NCOR2: variants seen among roughly 807,000 people sequenced by gnomAD.
The protein encoded by NCOR2 is CTG repeat protein 26.
NCOR2 carries 81 observed loss-of-function variants against 262.9 expected under a neutral mutation model. The ratio of observed to expected loss-of-function variants is 0.31; its 90% CI spans 0.26 to 0.37. The LOEUF is 0.37. Among genes scored for constraint, NCOR2 ranks in the 10% least tolerant of loss-of-function variants. The pLI, the probability that NCOR2 is intolerant of heterozygous loss-of-function variation, is 1.00. For synonymous variants in NCOR2, 1,659 were observed against 1,559.3 expected (o/e 1.06, Z -1.51); for missense variants, 3,385 against 3,621.4 (o/e 0.93, Z 1.68).
rs71458851 is a variant in NCOR2 at position 124,523,792 on chromosome 12, A to C, written c.-118+11773T>G. Among the ~76,000 whole-genome samples the C allele has an allele frequency of 5.3e-3, 806 of 152,294 alleles. 6 individuals carry two copies. The highest frequency in any genetic ancestry group is 6.8e-3 in the Non-Finnish European group (460 of 68,034). ...GCTGTCATACCCATTCCATTAATACATACTGGGAAACTGAGGCAGAGAGCA... is the reference window on the plus strand; with the variant it reads ...GCTGTCATACCCATTCCATTAATACCTACTGGGAAACTGAGGCAGAGAGCA... On this transcript the variant is annotated intron_variant, in intron 1 of 46. Coordinates refer to the NCOR2 transcript ENST00000404621. The surrounding 1 kb of genome is among the most constrained non-coding windows in gnomAD (Gnocchi z 4.0).
chr12:124,457,067 C>CCCCCCCCCCCCA lies in NCOR2; in HGVS notation c.762+38_762+39insTGGGGGGGGGGG. On this transcript the variant is annotated intron_variant, in intron 6 of 46. Coordinates refer to ENST00000405201, the Ensembl canonical transcript of NCOR2. The surrounding 1 kb of genome is among the most constrained non-coding windows in gnomAD (Gnocchi z 4.0). ...CCCTGCCCACCTCTCCAGCCACCCC[C>CCCCCCCCCCCCA]GCCCTCCCCTGAGCCCCTGACCCTG... 7.9e-7 allele frequency: 1 copy of CCCCCCCCCCCCA among 1,267,310 alleles called. No individual in the cohort carries two copies. The highest frequency in any genetic ancestry group is 1.1e-6 in the Non-Finnish European group (1 of 925,572). The allele number at this position is 1,267,310 out of a possible 1,614,324, so 78.5% of individuals were successfully genotyped here.
At chr12:124,341,981 G>A (rs566159264) in exon 34 of NCOR2, 60 of 1,613,456 alleles carry the variant, frequency 3.7e-5, no homozygotes, top group African/African-American at 1.2e-4. Context: ...CTCCAGCGCC[G>A]CCGTGTCGGG....
intron 38 of NCOR2, 91 bp from the exon 41 acceptor site, chr12:124,335,723 CG>C (rs1274671786): frequency 2.0e-5 from 29 of 1,439,214 alleles, no homozygotes; most frequent in South Asian, 1.2e-4. Context: ...GCTGGGACCC[CG>C]GGGGGGTCAA....
At chr12:124,356,842 G>T in intron 22 of NCOR2, 60 bp from the exon 25 acceptor site, 2 of 1,419,648 alleles carry the variant, frequency 1.4e-6, no homozygotes, top group South Asian at 3.1e-5. Context: ...GACCTCGGGA[G>T]CCCTGGCTGA....
chr12:124,357,714 A>C (rs192513144), intron 22 of NCOR2, among the ~76,000 whole-genome samples: 1 of 152,392 alleles, frequency 6.6e-6, no homozygotes, highest in East Asian at 1.9e-4. Flanking sequence ...ACAAAGCCTA[A>C]AATGTTCACT....
rs976022413 is a variant in NCOR2, at chr12:124,481,164, G to T, written c.411+2432C>A. On this transcript the variant is annotated intron_variant, in intron 3 of 46. Coordinates refer to ENST00000405201, the Ensembl canonical transcript of NCOR2. This position sits in a 1 kb window ranked among gnomAD's most constrained non-coding sequence, Gnocchi z 4.6. Reference sequence around the variant, plus strand: ...TGGAAAGAAAGAGAGGGAGGAAGAAGGAGGGAGGAAGGTGTAGAAGGAGAG... The same window carrying T: ...TGGAAAGAAAGAGAGGGAGGAAGAATGAGGGAGGAAGGTGTAGAAGGAGAG... Among the ~76,000 whole-genome samples, 1 of 151,824 alleles carries T rather than the reference G, an allele frequency of 6.6e-6. No homozygotes were observed. The highest frequency in any genetic ancestry group is 2.4e-5 in the African/African-American group (1 of 41,304).
chr12:124,535,599 G>A (rs928475164), exon 1 of NCOR2: 3 of 152,252 alleles, frequency 2.0e-5, no homozygotes, highest in African/African-American at 7.2e-5. Context: ...TGTCCTCAAA[G>A]ACTCAGGGAG....
At chr12:124,344,631 C>T in exon 32 of NCOR2, 1 of 1,468,912 alleles carries the variant, frequency 6.8e-7, no homozygotes, top group South Asian at 1.4e-5. Flanking sequence ...CCCGCGTGGT[C>T]ACGGGCGAAC....
chr12:124,550,200 C>T (rs2051672753), intron 1 of NCOR2, among the ~76,000 whole-genome samples: 1 of 152,190 alleles, frequency 6.6e-6, no homozygotes, highest in Non-Finnish European at 1.5e-5. Flanking sequence ...GGCTGAGAAC[C>T]CTGCCGTTCT....
At chr12:124,397,521 T>C (rs2041759786) in intron 16 of NCOR2, among the ~76,000 whole-genome samples, 1 of 152,142 alleles carries the variant, frequency 6.6e-6, no homozygotes, top group African/African-American at 2.4e-5. Flanking sequence ...CACCAATGCC[T>C]GCTGGCTCCC....
At chr12:124,371,371 G>T (rs780004412) in intron 20 of NCOR2, among the ~76,000 whole-genome samples, 34 of 152,190 alleles carry the variant, frequency 2.2e-4, no homozygotes, top group Non-Finnish European at 4.3e-4. Flanking sequence ...CTAACCCAGG[G>T]TCTCTGTGAA....
intron 8 of NCOR2, among the ~76,000 whole-genome samples, chr12:124,431,546 A>C (rs1476613398): frequency 1.3e-5 from 2 of 151,396 alleles, no homozygotes; most frequent in African/African-American, 4.9e-5. Context: ...GCACACATAC[A>C]TACAGGCACA....
chr12:124,465,017 C>A (rs2046349172), intron 5 of NCOR2, among the ~76,000 whole-genome samples: 1 of 152,144 alleles, frequency 6.6e-6, no homozygotes, highest in East Asian at 1.9e-4. Flanking sequence ...GGAGGCATAG[C>A]CAAACAGGTT....
chr12:124,402,503 C>T (rs768882087), exon 14 of NCOR2: 23 of 1,484,494 alleles, frequency 1.5e-5, no homozygotes, highest in East Asian at 4.6e-5. Flanking sequence ...CTGGCTGCTG[C>T]GGGGCATGGG....
intron 7 of NCOR2, among the ~76,000 whole-genome samples, chr12:124,444,997 T>C (rs948287693): frequency 2.0e-5 from 3 of 151,888 alleles, no homozygotes; most frequent in African/African-American, 4.8e-5. Flanking sequence ...TTCTGACTGA[T>C]CCCCCTTTCC....
chr12:124,329,276 A>G (rs1158628961), intron 44 of NCOR2: 5 of 381,420 alleles, frequency 1.3e-5, no homozygotes, highest in East Asian at 7.7e-5. Flanking sequence ...AGCCTGGCCA[A>G]TATGATGAAA....
chr12:124,346,192 G>T (rs1415045150), intron 31 of NCOR2, among the ~76,000 whole-genome samples: 1 of 152,202 alleles, frequency 6.6e-6, no homozygotes, highest in African/African-American at 2.4e-5. Flanking sequence ...ATTGCTAGGG[G>T]GTGAAACAAT....
intron 43 of NCOR2, among the ~76,000 whole-genome samples, 167 bp from the exon 46 acceptor site, chr12:124,331,065 T>TTC (rs1418841583): frequency 1.6e-4 from 23 of 145,244 alleles, no homozygotes; most frequent in Admixed American, 5.5e-4. Context: ...CTGCATTTCT[T>TTC]TTTTTTTTTT....
In NCOR2 at chr12:124,371,006, C is replaced by A. The variant is rs1470675506; in HGVS notation, c.2807+1016G>T. ...TCCCCAACCCCACGGCCACCACGCT[C>A]GCATCTCCATCACCAGCCCCAGGGC... is the stretch of plus-strand genomic sequence containing the variant. On this transcript the variant is annotated intron_variant, in intron 20 of 46. Transcript: ENST00000405201. Among the ~76,000 whole-genome samples, 7 of 152,240 alleles carry A rather than the reference C, an allele frequency of 4.6e-5. No individual in the cohort carries two copies. In the South Asian group the frequency reaches 1.5e-3, roughly 32 times the overall value.
Sources: allele counts gnomAD v4.1 joint callset (sites outside exome capture counted in the v4.1 genomes callset), GRCh38; gene constraint gnomAD v4.1.1; non-coding constraint Gnocchi (gnomAD v3.1); transcripts MANE v1.5; gene names NCBI Gene and HGNC (gene_info 2026-07-23, HGNC 2026-07-21).